SHISA6: variants seen among roughly 807,000 people sequenced by gnomAD.
The protein encoded by SHISA6 is protein shisa-6.
Under a neutral mutation model 47.9 loss-of-function variants are expected in SHISA6, and 22 were observed. The observed-to-expected ratio is 0.46, with a 90% CI of 0.33 to 0.66. The LOEUF is 0.66. Among genes scored for constraint, SHISA6 ranks in the 30% least tolerant of loss-of-function variants. The pLI, the probability that SHISA6 is intolerant of heterozygous loss-of-function variation, is 0.02. For synonymous variants in SHISA6, 388 were observed against 337.8 expected (o/e 1.15, Z -1.63); for missense variants, 680 against 764.6 (o/e 0.89, Z 1.30).
chr17:11,334,635 A>T (rs1330033259), intron 2 of SHISA6, among the ~76,000 whole-genome samples: 2 of 152,174 alleles, frequency 1.3e-5, no homozygotes, highest in Admixed American at 1.3e-4. Context: ...TGGGATGCCT[A>T]TCGGGGGGAG....
intron 3 of SHISA6, among the ~76,000 whole-genome samples, chr17:11,416,037 T>C (rs1407067033): frequency 6.6e-6 from 1 of 152,120 alleles, no homozygotes; most frequent in Non-Finnish European, 1.5e-5. Flanking sequence ...GAGGGAGATA[T>C]TATTTCTCTC....
intron 2 of SHISA6, among the ~76,000 whole-genome samples, chr17:11,267,725 G>A (rs1306557648): frequency 6.6e-6 from 1 of 152,160 alleles, no homozygotes; most frequent in South Asian, 2.1e-4. Flanking sequence ...GACTGGCTAG[G>A]CAGAGTGAGT....
chr17:11,266,096 A>G (rs1908415908), intron 2 of SHISA6, among the ~76,000 whole-genome samples: 1 of 152,238 alleles, frequency 6.6e-6, no homozygotes, highest in African/African-American at 2.4e-5. Context: ...TGCTTTTCCA[A>G]GCAGTTGATA....
chr17:11,343,350 C>G (rs1381764110), intron 2 of SHISA6, among the ~76,000 whole-genome samples: 1 of 152,092 alleles, frequency 6.6e-6, no homozygotes, highest in Non-Finnish European at 1.5e-5. Flanking sequence ...GGATCAGTGG[C>G]TTACCTTGAG....
chr17:11,303,137 G>A (rs551484766), intron 2 of SHISA6, among the ~76,000 whole-genome samples: 12 of 152,208 alleles, frequency 7.9e-5, no homozygotes, highest in African/African-American at 2.2e-4. Flanking sequence ...GTGTGTGTAC[G>A]TATCAGTGTG....
chr17:11,342,593 C>T (rs1911573724), intron 2 of SHISA6, among the ~76,000 whole-genome samples: 1 of 152,182 alleles, frequency 6.6e-6, no homozygotes, highest in Non-Finnish European at 1.5e-5. Flanking sequence ...CCTCATTTCC[C>T]ATTAGCAGAG....
intron 3 of SHISA6, among the ~76,000 whole-genome samples, chr17:11,447,632 A>G (rs1375770599): frequency 6.6e-6 from 1 of 152,080 alleles, no homozygotes; most frequent in South Asian, 2.1e-4. Context: ...GTCATTTTCT[A>G]TTTCTCCACG....
chr17:11,477,408 C>T (rs944115100), intron 3 of SHISA6, among the ~76,000 whole-genome samples: 3 of 152,008 alleles, frequency 2.0e-5, no homozygotes, highest in East Asian at 3.9e-4. Context: ...ATTTCTTAAC[C>T]TATCAGTTAA....
At chr17:11,272,295 C>T (rs1908707459) in intron 2 of SHISA6, among the ~76,000 whole-genome samples, 2 of 152,170 alleles carry the variant, frequency 1.3e-5, no homozygotes, top group Non-Finnish European at 2.9e-5. Context: ...GTTCTCTTTT[C>T]GTTCACTTTC....
intron 2 of SHISA6, among the ~76,000 whole-genome samples, chr17:11,304,981 G>A (rs911188598): frequency 3.3e-5 from 5 of 152,144 alleles, no homozygotes; most frequent in South Asian, 4.1e-4. Flanking sequence ...TTGTTGTTCC[G>A]ATTTTTATGT....
Position 11,558,409 on chromosome 17 carries a change from C to T in SHISA6, c.*105C>T. The T allele has an allele frequency of 3.8e-6, 5 of 1,325,364 alleles. No homozygotes were observed. The South Asian group carries it at 5.9e-5, about 16-fold the overall frequency. The allele number at this position is 1,325,364 out of a possible 1,614,324, so 82.1% of individuals were successfully genotyped here. A position where few individuals can be genotyped will look rare whatever the true frequency, so the allele number is the denominator to read the frequency against. ...CTTGCCACTCTCCCTTCCCTTGTCCCCTCTGTAGGAAGTGGGGGTGGGCCA... is the reference window on the plus strand; with the variant it reads ...CTTGCCACTCTCCCTTCCCTTGTCCTCTCTGTAGGAAGTGGGGGTGGGCCA... On this transcript the variant is annotated 3_prime_UTR_variant, in exon 6 of 6. Coordinates refer to ENST00000441885, the MANE Select transcript of SHISA6 (RefSeq NM_207386.4).
rs187062624 is a variant in SHISA6, at chr17:11,360,574, A to G, written c.800-18840A>G. On this transcript the variant is annotated intron_variant, in intron 2 of 5. Coordinates refer to ENST00000441885, the MANE Select transcript of SHISA6 (RefSeq NM_207386.4). ...GACTCTGTCTCAAGAAGGAAAAAAA[A>G]AAAAAAGAGAACACATGGACACAGG... 7.7e-3 allele frequency among the ~76,000 whole-genome samples: 1,176 copies of G among 151,824 alleles called. 8 individuals carry two copies. Among genetic ancestry groups the G allele is most frequent in the Non-Finnish European group, 0.013 (874 of 67,882 alleles).
intron 3 of SHISA6, among the ~76,000 whole-genome samples, chr17:11,425,453 A>AC (rs1351822226): frequency 1.3e-5 from 2 of 152,122 alleles, no homozygotes; most frequent in African/African-American, 4.8e-5. Context: ...TAGTCATTCT[A>AC]CCATATCATT....
intron 2 of SHISA6, among the ~76,000 whole-genome samples, chr17:11,291,008 A>C (rs996340091): frequency 1.5e-4 from 23 of 150,992 alleles, no homozygotes; most frequent in African/African-American, 5.3e-4. Flanking sequence ...ATAATTTAAT[A>C]ATTTATTAAT....
chr17:11,268,896 A>G (rs1908533583), intron 2 of SHISA6, among the ~76,000 whole-genome samples: 1 of 151,832 alleles, frequency 6.6e-6, no homozygotes, highest in African/African-American at 2.4e-5. Flanking sequence ...ATGCTGAAGA[A>G]CTCCCTTCAA....
chr17:11,304,013 G>A (rs1178676042), intron 2 of SHISA6, among the ~76,000 whole-genome samples: 2 of 152,294 alleles, frequency 1.3e-5, no homozygotes, highest in Admixed American at 6.5e-5. Flanking sequence ...GGATCCCCAG[G>A]CCTCACTGTT....
At chr17:11,509,888 T>C (rs1259215398) in intron 3 of SHISA6, among the ~76,000 whole-genome samples, 3 of 152,176 alleles carry the variant, frequency 2.0e-5, no homozygotes, top group South Asian at 2.1e-4. Flanking sequence ...TATGGTCTTA[T>C]TGACCACTTG....
intron 3 of SHISA6, among the ~76,000 whole-genome samples, chr17:11,428,820 T>C (rs2142287807): frequency 6.7e-6 from 1 of 148,412 alleles, no homozygotes; most frequent in South Asian, 2.2e-4. Flanking sequence ...AGTTTTGCTC[T>C]GTCGCCCAGG....
chr17:11,261,349 G>C (rs1335024346), intron 1 of SHISA6, among the ~76,000 whole-genome samples: 1 of 152,222 alleles, frequency 6.6e-6, no homozygotes, highest in Non-Finnish European at 1.5e-5. Flanking sequence ...GGCAGCCCTT[G>C]TTTGAGAAAC....
Sources: allele counts gnomAD v4.1 joint callset (sites outside exome capture counted in the v4.1 genomes callset), GRCh38; gene constraint gnomAD v4.1.1; transcripts MANE v1.5; gene names NCBI Gene and HGNC (gene_info 2026-07-23, HGNC 2026-07-21).